Variants in PDE3A observed in about 807,000 individuals in gnomAD.
PDE3A encodes the protein phosphodiesterase 3A.
A neutral mutation model predicts 98.3 loss-of-function variants in PDE3A; 43 were observed. That is an observed-to-expected ratio of 0.44 (90% CI 0.34 to 0.56). The LOEUF (loss-of-function observed/expected upper bound fraction) is 0.56, where lower values mean the gene tolerates loss of function less well. Ranked by LOEUF, PDE3A falls within the 20% of genes least tolerant of loss-of-function variation. The pLI is 0.01. For missense variants in PDE3A, 1,427 were observed against 1,440.7 expected, an observed-to-expected ratio of 0.99 and a Z score of 0.15; for synonymous variants, 663 against 567.9, an observed-to-expected ratio of 1.17 and a Z score of -2.38.
At chr12:20,624,924 G>A (rs561366632) in intron 5 of PDE3A, among the ~76,000 whole-genome samples, 29 of 152,258 alleles carry the variant, frequency 1.9e-4, no homozygotes, top group Admixed American at 1.6e-3. Flanking sequence ...GAGCCCCCTC[G>A]TGGCAAAGAG....
intron 1 of PDE3A, among the ~76,000 whole-genome samples, chr12:20,533,677 T>G (rs1480635236): frequency 1.3e-5 from 2 of 151,716 alleles, no homozygotes; most frequent in Non-Finnish European, 2.9e-5. Context: ...AGATGGGGTT[T>G]CACCGTGTTA....
chr12:20,630,214 G>T, intron 6 of PDE3A, 87 bp downstream of exon 6: 1 of 968,268 alleles, frequency 1.0e-6, no homozygotes, highest in South Asian at 1.4e-5. Context: ...CACGCAGCTT[G>T]GGGTAGGTTT....
intron 2 of PDE3A, among the ~76,000 whole-genome samples, chr12:20,599,774 C>A (rs919346216): frequency 1.1e-4 from 17 of 152,134 alleles, no homozygotes; most frequent in Admixed American, 3.3e-4. Context: ...ATATATCTAT[C>A]TTCCATTTTA....
At chr12:20,435,308 C>T (rs1944761726) in intron 1 of PDE3A, among the ~76,000 whole-genome samples, 1 of 152,152 alleles carries the variant, frequency 6.6e-6, no homozygotes, top group African/African-American at 2.4e-5. Context: ...AAATATCCCT[C>T]TGCTGTTGAA....
intron 1 of PDE3A, among the ~76,000 whole-genome samples, chr12:20,517,975 T>G (rs61912089): frequency 1.3e-5 from 2 of 152,192 alleles, no homozygotes; most frequent in African/African-American, 4.8e-5. Flanking sequence ...AGGCACATTT[T>G]GAGAAACACT....
chr12:20,679,333 C>T (rs1003206593), intron 15 of PDE3A, among the ~76,000 whole-genome samples: 5 of 152,094 alleles, frequency 3.3e-5, no homozygotes, highest in African/African-American at 4.8e-5. Flanking sequence ...CTGCAAGCTC[C>T]GCCTCCTGGG....
intron 1 of PDE3A, among the ~76,000 whole-genome samples, chr12:20,555,262 C>T (rs969266430): frequency 6.6e-6 from 1 of 152,182 alleles, no homozygotes; most frequent in African/African-American, 2.4e-5. Context: ...AATCCGCCCG[C>T]CTTGGCTTCC....
intron 2 of PDE3A, among the ~76,000 whole-genome samples, chr12:20,588,873 T>C (rs555534425): frequency 2.6e-5 from 4 of 152,282 alleles, no homozygotes; most frequent in East Asian, 3.9e-4. Context: ...GTTTTACTTA[T>C]TTTTTGCCTG....
At chr12:20,534,200 A>G (rs1941698214) in intron 1 of PDE3A, among the ~76,000 whole-genome samples, 1 of 152,236 alleles carries the variant, frequency 6.6e-6, no homozygotes, top group Admixed American at 6.5e-5. Context: ...TTCCCTCTAG[A>G]GAATGAGAGT....
intron 1 of PDE3A, among the ~76,000 whole-genome samples, chr12:20,390,632 G>A (rs988749067): frequency 1.3e-5 from 2 of 151,788 alleles, no homozygotes; most frequent in Non-Finnish European, 2.9e-5. Flanking sequence ...TTAGTTTCGG[G>A]GTGAAGGAGG....
chr12:20,618,227 C>CTATT (rs1197245795), intron 4 of PDE3A, among the ~76,000 whole-genome samples: 3 of 152,220 alleles, frequency 2.0e-5, no homozygotes, highest in African/African-American at 7.2e-5. Flanking sequence ...TAAGGGAAAA[C>CTATT]TATTTATAAG....
intron 1 of PDE3A, among the ~76,000 whole-genome samples, chr12:20,451,827 T>C (rs1945070963): frequency 6.6e-6 from 1 of 152,228 alleles, no homozygotes; most frequent in Non-Finnish European, 1.5e-5. Flanking sequence ...GAAATATCTG[T>C]GCCTATAACG....
In PDE3A at chr12:20,634,988, T is replaced by C. The variant is rs774567664; in HGVS notation, c.1933T>C (p.Cys645Arg). The change falls in exon 8 of 16, where the codon TGC becomes CGC. Residue 645 changes from cysteine (C) to arginine (R), a missense_variant. Cys to Arg is a radical substitution (Grantham distance 180). This residue lies in a region of PDE3A where 1,012 missense variants were observed against 886.5 expected (regional missense o/e 1.14). Coordinates refer to ENST00000359062, the MANE Select transcript of PDE3A (RefSeq NM_000921.5). ...DIVQNEDETE[C>R]LREPLRKASA... ...TGTACAGAATGAAGATGAAACAGAG[T>C]GCCTGAGAGAGCCTCTGAGGAAAGC... is the stretch of plus-strand genomic sequence containing the variant. The C allele has an allele frequency of 1.1e-5, 18 of 1,612,746 alleles. No individual in the cohort carries two copies. The highest frequency in any genetic ancestry group is 8.5e-7 in the Non-Finnish European group (1 of 1,178,960).
intron 1 of PDE3A, among the ~76,000 whole-genome samples, chr12:20,468,930 G>T (rs187270455): frequency 1.3e-5 from 2 of 152,240 alleles, no homozygotes; most frequent in East Asian, 3.9e-4. Context: ...AAACTGTGAG[G>T]CTGCCACTCA....
At chr12:20,540,947 T>C (rs1264586566) in intron 1 of PDE3A, among the ~76,000 whole-genome samples, 7 of 151,932 alleles carry the variant, frequency 4.6e-5, no homozygotes, top group Non-Finnish European at 1.0e-4. Flanking sequence ...TTAAATCATA[T>C]ACTTTCTTTA....
chr12:20,600,128 A>T (rs1041384201), intron 2 of PDE3A, among the ~76,000 whole-genome samples: 3 of 151,938 alleles, frequency 2.0e-5, no homozygotes, highest in African/African-American at 7.3e-5. Flanking sequence ...GCCTCAGTAT[A>T]CTCCTTTCTC....
intron 6 of PDE3A, among the ~76,000 whole-genome samples, chr12:20,630,827 G>A (rs10841577): frequency 0.46 from 69,394 of 151,868 alleles, 16,361 homozygotes; most frequent in Non-Finnish European, 0.52. Context: ...AAGCATTATG[G>A]TATTTTTTAA....
At chr12:20,447,559 G>C (rs372515988) in intron 1 of PDE3A, among the ~76,000 whole-genome samples, 155 of 152,280 alleles carry the variant, frequency 1.0e-3, no homozygotes, top group Middle Eastern at 3.4e-3. Context: ...AGGACTTCTG[G>C]ATAGCTGAAC....
At chr12:20,603,868 A>G (rs75758830) in intron 2 of PDE3A, among the ~76,000 whole-genome samples, 5,663 of 152,272 alleles carry the variant, frequency 0.037, 142 homozygotes, top group Non-Finnish European at 0.055. Flanking sequence ...GAGAGGAGAC[A>G]AGAGCTAAAG....
Sources: gnomAD v4.1 joint callset for allele counts (sites outside exome capture counted in the v4.1 genomes callset) on GRCh38, gnomAD v4.1.1 for gene constraint, gnomAD v4.1.1 regional missense constraint, MANE v1.5 for transcripts, NCBI Gene and HGNC (gene_info 2026-07-23, HGNC 2026-07-21) for gene names.